JRK: variants seen among roughly 807,000 people sequenced by gnomAD.
JRK encodes Jrk helix-turn-helix protein.
For missense variants in JRK, 720 were observed against 509.2 expected, an observed-to-expected ratio of 1.41 and a Z score of -3.98; for synonymous variants, 303 against 218.1, an observed-to-expected ratio of 1.39 and a Z score of -3.43.
chr8:142,648,785 C>T, the JRK span, among the ~76,000 whole-genome samples: 4 of 152,198 alleles, frequency 2.6e-5, no homozygotes, highest in African/African-American at 9.7e-5. Context: ...TCCTCCAGAC[C>T]CCAGAATGGT....
rs150398750 is a variant in JRK at position 142,658,710 on chromosome 8, T to TG, written c.*5641dup. 3.0e-3 allele frequency: 4,132 copies of TG among 1,377,198 alleles called. 69 individuals carry two copies. The African/African-American group carries it at 0.043, about 14-fold the overall frequency. The allele number at this position is 1,377,198 out of a possible 1,614,324, so 85.3% of individuals were successfully genotyped here. ...GGTCAGGGTTTCAACATATAAACTT[T>TG]GGGGGGGGACACAAACATGCAGTCC... On this transcript the variant is annotated 3_prime_UTR_variant, in exon 2 of 2. Transcript: ENST00000612905.
rs1006184419 is a variant in JRK, at chr8:142,658,008, G to A, written c.*6344C>T. On this transcript the variant is annotated 3_prime_UTR_variant, in exon 2 of 2. Coordinates refer to ENST00000612905, the MANE Select transcript of JRK (RefSeq NM_003724.4). ...ATCCTCCAGGCCCTGGCCATGAGGT[G>A]CTCCGTATTTATTGCCTCTGTCCGG... The A allele has an allele frequency of 2.6e-5, 4 of 152,338 alleles. No homozygotes were observed. Among genetic ancestry groups the A allele is most frequent in the Non-Finnish European group, 4.4e-5 (3 of 68,100 alleles). The allele number at this position is 152,338 out of a possible 1,614,324, so 9.4% of individuals were successfully genotyped here.
Position 142,659,114 on chromosome 8 carries a change from G to A in JRK, c.*5238C>T. 7.3e-7 allele frequency: 1 copy of A among 1,365,332 alleles called. No homozygotes were observed. The highest frequency in any genetic ancestry group is 9.5e-7 in the Non-Finnish European group (1 of 1,057,922). 84.6% of individuals were successfully genotyped at this position (1,365,332 alleles called of 1,614,324 possible). Reference sequence around the variant, plus strand: ...TCAAGGTACAATGAAATAGAAAAAAGGCTGGCCAGGTGCCAAGTCCCAGCT... The same window carrying A: ...TCAAGGTACAATGAAATAGAAAAAAAGCTGGCCAGGTGCCAAGTCCCAGCT... On this transcript the variant is annotated 3_prime_UTR_variant, in exon 2 of 2. Transcript: ENST00000612905.
rs1846874823 is a variant in JRK at position 142,660,273 on chromosome 8, C to T, written c.*4079G>A. 1.0e-6 allele frequency: 1 copy of T among 985,780 alleles called. No individual in the cohort carries two copies. Among genetic ancestry groups the T allele is most frequent in the African/African-American group, 1.7e-5 (1 of 57,228 alleles). 61.1% of individuals were successfully genotyped at this position (985,780 alleles called of 1,614,324 possible). A position where few individuals can be genotyped will look rare whatever the true frequency, so the allele number is the denominator to read the frequency against. ...GAAGTGCAGAAGCCCTGCCCAGGCCCTGCCTCCCAGGCCACCACCCACCCC... is the reference window on the plus strand; with the variant it reads ...GAAGTGCAGAAGCCCTGCCCAGGCCTTGCCTCCCAGGCCACCACCCACCCC... On this transcript the variant is annotated 3_prime_UTR_variant, in exon 2 of 2. Transcript: ENST00000612905.
In JRK at chr8:142,665,077, C is replaced by T; in HGVS notation, c.982G>A (p.Val328Met). The change falls in exon 2 of 2, where the codon GTG (valine) becomes ATG (methionine). Residue 328 changes from valine to methionine, a missense_variant. By Grantham distance (21) the Val-to-Met change is conservative (BLOSUM62 1). Transcript: ENST00000612905. ...IFLPASVASL[V>M]QPMEQGIRRD... ...CGAATGCCCTGCTCCATGGGCTGCA[C>T]CAATGAGGCCACGCTGGCAGGCAGG... 1.4e-6 allele frequency: 1 copy of T among 717,854 alleles called. No homozygotes were observed. Among genetic ancestry groups the T allele is most frequent in the Non-Finnish European group, 2.6e-6 (1 of 385,112 alleles). The allele number at this position is 717,854 out of a possible 1,614,324, so 44.5% of individuals were successfully genotyped here.
At chr8:142,645,780 TA>T in the JRK span, among the ~76,000 whole-genome samples, 2 of 152,206 alleles carry the variant, frequency 1.3e-5, no homozygotes, top group African/African-American at 4.8e-5. Flanking sequence ...CCCTCTTTCA[TA>T]AACAACCACT....
At position 142,658,578 on chromosome 8, in the gene JRK, T is replaced by C. The variant is rs1260545701; in HGVS notation, c.*5774A>G. On this transcript the variant is annotated 3_prime_UTR_variant, in exon 2 of 2. Coordinates refer to ENST00000612905, the MANE Select transcript of JRK (RefSeq NM_003724.4). Reference sequence around the variant, plus strand: ...ACAAAGTGACCTCGCTCTAGTTCCTTCCTTTTCTTATAAGGACTCGATCTC... The same window carrying C: ...ACAAAGTGACCTCGCTCTAGTTCCTCCCTTTTCTTATAAGGACTCGATCTC... The C allele has an allele frequency of 3.4e-6, 1 of 294,368 alleles. No homozygotes were observed. Among genetic ancestry groups the C allele is most frequent in the Admixed American group, 4.5e-5 (1 of 22,206 alleles). 18.2% of individuals were successfully genotyped at this position (294,368 alleles called of 1,614,324 possible). A position where few individuals can be genotyped will look rare whatever the true frequency, so the allele number is the denominator to read the frequency against.
Position 142,663,797 on chromosome 8 carries a change from G to A in JRK, c.*555C>T, listed in dbSNP as rs587697804. 1.1e-4 allele frequency: 110 copies of A among 986,086 alleles called. 1 individual carries two copies. The African/African-American group carries it at 1.3e-3, about 11-fold the overall frequency. 61.1% of individuals were successfully genotyped at this position (986,086 alleles called of 1,614,324 possible). A position where few individuals can be genotyped will look rare whatever the true frequency, so the allele number is the denominator to read the frequency against. On this transcript the variant is annotated 3_prime_UTR_variant, in exon 2 of 2. Transcript: ENST00000612905. The stretch of plus-strand genomic sequence containing the variant: ...AGTGAGATGTGCGGCCTGTTCAGCC[G>A]CTAGCAGGCCAAGAACTGAGTCCCA...
chr8:142,668,679 C>T (rs1283835705), intron 1 of JRK, among the ~76,000 whole-genome samples: 5 of 151,608 alleles, frequency 3.3e-5, no homozygotes, highest in Admixed American at 3.3e-4. Context: ...GCCTGACATG[C>T]AGGTGTAGCA....
chr8:142,656,765 ACAACGCTGTATCTCCC>A (rs1291180200), downstream of JRK, among the ~76,000 whole-genome samples: 3 of 152,000 alleles, frequency 2.0e-5, no homozygotes, highest in African/African-American at 7.3e-5. Context: ...TGGGGTGGGG[ACAACGCTGTATCTCCC>A]CAACTTTGGG....
chr8:142,668,585 G>T (rs1282388998), intron 1 of JRK, among the ~76,000 whole-genome samples: 1 of 151,708 alleles, frequency 6.6e-6, no homozygotes, highest in East Asian at 2.0e-4. Context: ...GCTTATGAGG[G>T]ACTAACTGGG....
chr8:142,659,424 G>A lies in JRK; in HGVS notation c.*4928C>T, dbSNP rs1182053359. On this transcript the variant is annotated 3_prime_UTR_variant, in exon 2 of 2. Coordinates refer to ENST00000612905, the MANE Select transcript of JRK (RefSeq NM_003724.4). ...GGACGGGGCTACCTGCAGACATAGAGGGCCTTTGAGCACCTCGTAGCTTGC... is the reference window on the plus strand; with the variant it reads ...GGACGGGGCTACCTGCAGACATAGAAGGCCTTTGAGCACCTCGTAGCTTGC... The A allele has an allele frequency of 1.8e-5, 18 of 986,636 alleles. No individual in the cohort carries two copies. Among genetic ancestry groups the A allele is most frequent in the Non-Finnish European group, 2.0e-5 (17 of 830,794 alleles). The allele number at this position is 986,636 out of a possible 1,614,324, so 61.1% of individuals were successfully genotyped here.
the JRK span, among the ~76,000 whole-genome samples, chr8:142,651,131 A>G: frequency 3.9e-5 from 6 of 152,166 alleles, no homozygotes; most frequent in Non-Finnish European, 7.3e-5. Flanking sequence ...GAAGAAAAAA[A>G]CCTTTGTTCA....
At chr8:142,648,980 A>T in the JRK span, among the ~76,000 whole-genome samples, 4 of 152,224 alleles carry the variant, frequency 2.6e-5, no homozygotes, top group African/African-American at 4.8e-5. Context: ...AAAGGAGATC[A>T]TTTTGGAGCT....
At chr8:142,644,832 A>G in the JRK span, among the ~76,000 whole-genome samples, 1 of 152,234 alleles carries the variant, frequency 6.6e-6, no homozygotes, top group South Asian at 2.1e-4. Context: ...TCTTGACCAT[A>G]AGATAGAATT....
chr8:142,653,751 A>T (rs942461008), downstream of JRK, among the ~76,000 whole-genome samples: 8 of 152,046 alleles, frequency 5.3e-5, no homozygotes, highest in Admixed American at 4.6e-4. Flanking sequence ...GCTCTCACCC[A>T]AAAGTGGACT....
Position 142,664,496 on chromosome 8 carries a change from C to T in JRK, c.1563G>A (p.Val521=), listed in dbSNP as rs1554635129. Residue 521 remains valine (V), a synonymous_variant, in exon 2 of 2, where the codon GTG becomes GTA. Transcript: ENST00000612905. The stretch of plus-strand genomic sequence containing the variant: ...TCCTCACCTGCTGCTGGCTCCGGAA[C>T]ACGGCACGCAGCGCCCGCAGCTGCC... ...EVGQLRALRA[V]FRSQQQVRRR... is the part of the protein sequence containing the mutation. The T allele has an allele frequency of 3.7e-6, 6 of 1,610,350 alleles. No individual in the cohort carries two copies. Among genetic ancestry groups the T allele is most frequent in the Non-Finnish European group, 5.1e-6 (6 of 1,178,808 alleles).
At chr8:142,651,241 TTTATCTGACTTTCAA>T in the JRK span, among the ~76,000 whole-genome samples, 1 of 152,192 alleles carries the variant, frequency 6.6e-6, no homozygotes, top group Non-Finnish European at 1.5e-5. Context: ...TTAACTTTAA[TTTATCTGACTTTCAA>T]CCATTGAGCT....
At position 142,660,721 on chromosome 8, in the gene JRK, G is replaced by A; in HGVS notation, c.*3631C>T. On this transcript the variant is annotated 3_prime_UTR_variant, in exon 2 of 2. Coordinates refer to ENST00000612905, the MANE Select transcript of JRK (RefSeq NM_003724.4). The stretch of plus-strand genomic sequence containing the variant: ...CCGGATCCCCAATAAGCACATTTAT[G>A]TGGGGCGTGAGGTGAGGTCCCTGAG... The A allele has an allele frequency of 7.1e-6, 7 of 985,498 alleles. No individual in the cohort carries two copies. In the South Asian group the frequency reaches 2.8e-4, roughly 40 times the overall value. 61.0% of individuals were successfully genotyped at this position (985,498 alleles called of 1,614,324 possible). A position where few individuals can be genotyped will look rare whatever the true frequency, so the allele number is the denominator to read the frequency against.
Sources: gnomAD v4.1 joint callset for allele counts (sites outside exome capture counted in the v4.1 genomes callset) on GRCh38, gnomAD v4.1.1 for gene constraint, MANE v1.5 for transcripts, NCBI Gene and HGNC (gene_info 2026-07-23, HGNC 2026-07-21) for gene names.